The following CNTNAP3 variants were observed in gnomAD, a reference collection of about 807,000 sequenced individuals.
CNTNAP3 encodes the protein contactin-associated protein-like 3.
CNTNAP3 carries 36 observed loss-of-function variants against 92.1 expected under a neutral mutation model. The observed-to-expected ratio is 0.39, with a 90% confidence interval of 0.30 to 0.52. The LOEUF is 0.52. CNTNAP3 is among the 20% of genes least tolerant of loss of function. CNTNAP3 has a pLI of 0.76. For synonymous variants in CNTNAP3, 232 were observed against 422.3 expected, an observed-to-expected ratio of 0.55 and a Z score of 5.53; for missense variants, 534 against 1,069.6, an observed-to-expected ratio of 0.50 and a Z score of 6.98.
intron 11 of CNTNAP3, among the ~76,000 whole-genome samples, chr9:39,141,910 C>T (rs1821585345): frequency 6.6e-6 from 1 of 151,904 alleles, no homozygotes; most frequent in Admixed American, 6.6e-5. Context: ...TAATTATATA[C>T]AATTAATTAG....
At chr9:39,107,659 C>T (rs985728660) in intron 15 of CNTNAP3, among the ~76,000 whole-genome samples, 2 of 151,996 alleles carry the variant, frequency 1.3e-5, no homozygotes, top group African/African-American at 4.8e-5. Flanking sequence ...AAATTACTGA[C>T]ATTGGGAGAA....
At chr9:39,090,143 G>C (rs947056558) in intron 18 of CNTNAP3, among the ~76,000 whole-genome samples, 1 of 152,128 alleles carries the variant, frequency 6.6e-6, no homozygotes, top group Non-Finnish European at 1.5e-5. Context: ...GTTTCACTGT[G>C]TTAGCCAGGA....
At position 39,086,089 on chromosome 9, in the gene CNTNAP3, T is replaced by C. The variant is rs7869393; in HGVS notation, c.3355-266A>G. 29,261 of 537,928 alleles carry C rather than the reference T, an allele frequency of 0.054. 2,771 individuals are homozygous for C. The highest frequency in any genetic ancestry group is 0.3 in the African/African-American group (15,549 of 52,466). 33.3% of individuals were successfully genotyped at this position (537,928 alleles called of 1,614,324 possible). A position where few individuals can be genotyped will look rare whatever the true frequency, so the allele number is the denominator to read the frequency against. On this transcript the variant is annotated intron_variant, in intron 20 of 23. Coordinates refer to ENST00000297668, the MANE Select transcript of CNTNAP3 (RefSeq NM_033655.5). The stretch of plus-strand genomic sequence containing the variant: ...TTCTTCATAATGGAAGGATCTATAA[T>C]TGGCAGAATCCATGAAAAAGATGGA...
chr9:39,071,743 T>C lies in CNTNAP3; in HGVS notation c.*2147A>G, dbSNP rs577714903. Among the ~76,000 whole-genome samples, 2 of 145,092 alleles carry C rather than the reference T, an allele frequency of 1.4e-5. No individual in the cohort carries two copies. Among genetic ancestry groups the C allele is most frequent in the South Asian group, 2.3e-4 (1 of 4,412 alleles). ...TAAATATATATATTCATAGATATTT[T>C]TACATCTAGCAATCAGTAAATATTT... is the stretch of plus-strand genomic sequence containing the variant. On this transcript the variant is annotated 3_prime_UTR_variant, in exon 24 of 24. Transcript: ENST00000297668.
At chr9:39,134,160 G>A (rs1452646665) in intron 12 of CNTNAP3, among the ~76,000 whole-genome samples, 2 of 151,186 alleles carry the variant, frequency 1.3e-5, no homozygotes, top group Non-Finnish European at 2.9e-5. Context: ...AGAGATCAGA[G>A]GAAAGAAGGA....
rs1222460458 is a variant in CNTNAP3 at position 39,100,142 on chromosome 9, C to T, written c.2764G>A (p.Ala922Thr). ...CCTAGAAAGCCTCTCTGTCTGGTGGCCGTTCCACCTACAACGGAAACACTG... is the reference window on the plus strand; with the variant it reads ...CCTAGAAAGCCTCTCTGTCTGGTGGTCGTTCCACCTACAACGGAAACACTG... ...LNSQLFIGGT[A>T]TRQRGFLGCI... Residue 922 changes from alanine to threonine, a missense_variant, in exon 18 of 24, where the codon GCC becomes ACC. By Grantham distance (58) the Ala-to-Thr change is moderately conservative. Transcript: ENST00000297668. 1 of 1,581,392 alleles carries T rather than the reference C, an allele frequency of 6.3e-7. No individual in the cohort carries two copies. The highest frequency in any genetic ancestry group is 8.6e-7 in the Non-Finnish European group (1 of 1,160,528).
intron 15 of CNTNAP3, among the ~76,000 whole-genome samples, chr9:39,104,471 T>TACACACACACACACAC (rs1233368382): frequency 4.2e-5 from 3 of 71,844 alleles, no homozygotes; most frequent in South Asian, 4.3e-4. Context: ...TTCCTGCACA[T>TACACACACACACACAC]ACACATACAC....
chr9:39,084,201 T>TTTG (rs1564068481), intron 21 of CNTNAP3, among the ~76,000 whole-genome samples: 2 of 87,922 alleles, frequency 2.3e-5, no homozygotes, highest in Non-Finnish European at 5.5e-5. Context: ...CAAGTTTTTT[T>TTTG]TTTTTTTTTT....
At chr9:39,118,945 A>G (rs2117967248) in intron 13 of CNTNAP3, among the ~76,000 whole-genome samples, 1 of 152,286 alleles carries the variant, frequency 6.6e-6, no homozygotes, top group East Asian at 1.9e-4. Context: ...GTCAGACACT[A>G]ACTCAGATCT....
At chr9:39,105,150 A>G (rs1174924674) in intron 15 of CNTNAP3, among the ~76,000 whole-genome samples, 1 of 152,146 alleles carries the variant, frequency 6.6e-6, no homozygotes, top group Admixed American at 6.5e-5. Context: ...TTTCTCGGCT[A>G]GGTGCAGTGG....
intron 13 of CNTNAP3, among the ~76,000 whole-genome samples, chr9:39,118,516 T>G (rs1758559): frequency 6.6e-6 from 1 of 151,844 alleles, no homozygotes; most frequent in East Asian, 1.9e-4. Context: ...GTCAGTTGCA[T>G]GTGATACATA....
intron 12 of CNTNAP3, 63 bp from the exon 13 acceptor site, chr9:39,133,198 A>G: frequency 1.3e-6 from 2 of 1,503,988 alleles, no homozygotes; most frequent in Non-Finnish European, 1.8e-6. Flanking sequence ...CAAGAGGCAA[A>G]GCAGACCTGT....
At chr9:39,104,041 G>A (rs1381208169) in intron 15 of CNTNAP3, 127 bp from the exon 16 acceptor site, 1 of 1,446,076 alleles carries the variant, frequency 6.9e-7, no homozygotes, top group Non-Finnish European at 9.2e-7. Context: ...TTTCACTGGG[G>A]GTTCTGAGCA....
intron 12 of CNTNAP3, among the ~76,000 whole-genome samples, chr9:39,133,842 A>C (rs879003911): frequency 8.5e-5 from 13 of 152,226 alleles, no homozygotes; most frequent in South Asian, 6.3e-4. Context: ...GTGTTCCCAA[A>C]AATGGACCTC....
At chr9:39,110,578 C>T (rs570874411) in intron 14 of CNTNAP3, among the ~76,000 whole-genome samples, 5 of 152,218 alleles carry the variant, frequency 3.3e-5, no homozygotes, top group African/African-American at 7.2e-5. Flanking sequence ...TAAATGCACA[C>T]GTCTGGGTCC....
intron 15 of CNTNAP3, among the ~76,000 whole-genome samples, chr9:39,104,768 T>C (rs1826559035): frequency 6.6e-6 from 1 of 152,100 alleles, no homozygotes; most frequent in African/African-American, 2.4e-5. Flanking sequence ...ATGATTGGAT[T>C]CATGTTGTGC....
intron 11 of CNTNAP3, 54 bp downstream of exon 11, chr9:39,144,186 A>C (rs925618248): frequency 2.7e-6 from 4 of 1,495,798 alleles, no homozygotes; most frequent in Admixed American, 5.0e-5. Context: ...CAACTAATCA[A>C]AATGAAATGA....
Position 39,069,298 on chromosome 9 carries a change from G to T in CNTNAP3, c.*4592C>A, listed in dbSNP as rs1248762400. Among the ~76,000 whole-genome samples the T allele has an allele frequency of 7.0e-6, 1 of 141,876 alleles. No individual in the cohort carries two copies. The highest frequency in any genetic ancestry group is 2.6e-5 in the African/African-American group (1 of 37,830). 93.1% of individuals were successfully genotyped at this position (141,876 alleles called of 152,430 possible). On this transcript the variant is annotated 3_prime_UTR_variant, in exon 24 of 24. Transcript: ENST00000297668. The stretch of plus-strand genomic sequence containing the variant: ...TTTGCAAAAATGGGGACAATTATAT[G>T]TTTTACCTCATTGGCTTGCTTAAGG...
rs1239864690 is a variant in CNTNAP3 at position 39,067,623 on chromosome 9, C to T, written c.*6267G>A. ...CTTGTTAGCAGGATGGTCTCCATCT[C>T]CCGACCTCGTGATCTGCCTGCCTCG... On this transcript the variant is annotated 3_prime_UTR_variant, in exon 24 of 24. Coordinates refer to ENST00000297668, the MANE Select transcript of CNTNAP3 (RefSeq NM_033655.5). Among the ~76,000 whole-genome samples the T allele has an allele frequency of 2.0e-5, 3 of 152,424 alleles. No individual in the cohort carries two copies. Among genetic ancestry groups the T allele is most frequent in the Non-Finnish European group, 4.4e-5 (3 of 68,044 alleles).
Sources: gnomAD v4.1 joint callset for allele counts (sites outside exome capture counted in the v4.1 genomes callset) on GRCh38, gnomAD v4.1.1 for gene constraint, MANE v1.5 for transcripts, NCBI Gene and HGNC (gene_info 2026-07-23, HGNC 2026-07-21) for gene names.